PTPN4: variants seen among roughly 807,000 people sequenced by gnomAD.
PTPN4 encodes the protein protein tyrosine phosphatase non-receptor type 4, also known as tyrosine-protein phosphatase non-receptor type 4.
A neutral mutation model predicts 135.5 loss-of-function variants in PTPN4; 49 were observed. The ratio of observed to expected loss-of-function variants is 0.36; its 90% CI spans 0.29 to 0.46. PTPN4 has a LOEUF of 0.46. Ranked by LOEUF, PTPN4 falls within the 20% of genes least tolerant of loss-of-function variation. PTPN4 has a pLI of 1.00. For synonymous variants in PTPN4, 333 were observed against 369.9 expected (o/e 0.90, Z 1.14); for missense variants, 860 against 1,101.0 (o/e 0.78, Z 3.10).
At chr2:119,910,075 T>TG (rs1678548046) in intron 10 of PTPN4, among the ~76,000 whole-genome samples, 1 of 152,102 alleles carries the variant, frequency 6.6e-6, no homozygotes, top group Non-Finnish European at 1.5e-5. Context: ...AAGCAGCAGC[T>TG]GGGTGAAGAG....
chr2:119,924,907 A>G (rs1015194655), intron 12 of PTPN4, among the ~76,000 whole-genome samples: 1 of 152,144 alleles, frequency 6.6e-6, no homozygotes, highest in Admixed American at 6.5e-5. Context: ...GTTGTTGGAA[A>G]TGCTGGGAAA....
rs1029701703 is a variant in PTPN4 at position 119,981,789 on chromosome 2, A to T, written c.*4719A>T. On this transcript the variant is annotated 3_prime_UTR_variant, in exon 27 of 27. Coordinates refer to ENST00000263708, the MANE Select transcript of PTPN4 (RefSeq NM_002830.4). ...TCTCTGTTTCTGCCAGAAGTTAGAT[A>T]TTTTTTTATAGTCCTGATGAATTTG... is the stretch of plus-strand genomic sequence containing the variant. 2 of 152,034 alleles carry T rather than the reference A, an allele frequency of 1.3e-5. No homozygotes were observed. Among genetic ancestry groups the T allele is most frequent in the African/African-American group, 4.8e-5 (2 of 41,410 alleles). The allele number at this position is 152,034 out of a possible 1,614,324, so 9.4% of individuals were successfully genotyped here. A position where few individuals can be genotyped will look rare whatever the true frequency, so the allele number is the denominator to read the frequency against.
chr2:119,792,234 A>G lies in PTPN4; in HGVS notation c.-17-17603A>G, dbSNP rs531341690. On this transcript the variant is annotated intron_variant, in intron 1 of 26. Transcript: ENST00000263708. ...CTTTTATATTTGAGCTAGAATGTATAGAACCACTTATATAAATTATTTTTT... is the reference window on the plus strand; with the variant it reads ...CTTTTATATTTGAGCTAGAATGTATGGAACCACTTATATAAATTATTTTTT... 2.0e-5 allele frequency among the ~76,000 whole-genome samples: 3 copies of G among 152,384 alleles called. No homozygotes were observed. In the East Asian group the frequency reaches 5.8e-4, roughly 29 times the overall value.
chr2:119,932,524 C>G lies in PTPN4; in HGVS notation c.1171C>G (p.Arg391Gly). The G allele has an allele frequency of 6.2e-7, 1 of 1,610,908 alleles. No individual in the cohort carries two copies. Among genetic ancestry groups the G allele is most frequent in the African/African-American group, 1.3e-5 (1 of 74,846 alleles). The change falls in exon 14 of 27, where the codon CGA becomes GGA. Residue 391 changes from arginine (R) to glycine (G), a missense_variant. Physicochemically the swap from Arg to Gly is moderately radical, Grantham distance 125. Transcript: ENST00000263708. ...GTTAGAAACACAAAGTCTTCCATCA[C>G]GATCTCCACCGGGAACTCCTAATCA... ...DRLETQSLPS[R>G]SPPGTPNHRN... is the part of the protein sequence containing the mutation.
At chr2:119,768,650 A>C (rs1030820793) in intron 1 of PTPN4, among the ~76,000 whole-genome samples, 14 of 152,020 alleles carry the variant, frequency 9.2e-5, no homozygotes, top group African/African-American at 3.4e-4. Flanking sequence ...GTATTTACTT[A>C]TTTGCTCAAT....
At chr2:119,765,942 G>A (rs1474202139) in intron 1 of PTPN4, among the ~76,000 whole-genome samples, 4 of 151,892 alleles carry the variant, frequency 2.6e-5, no homozygotes, top group Non-Finnish European at 5.9e-5. Flanking sequence ...GTGCGCGCGC[G>A]CATGTGCGTT....
chr2:119,939,418 A>G (rs935526684), intron 15 of PTPN4, among the ~76,000 whole-genome samples: 8 of 152,076 alleles, frequency 5.3e-5, no homozygotes, highest in African/African-American at 1.7e-4. Context: ...CTCCCACCTC[A>G]GCCTCCCAAG....
Position 119,841,464 on chromosome 2 carries a change from C to T in PTPN4, c.139-21072C>T, listed in dbSNP as rs981906120. On this transcript the variant is annotated intron_variant, in intron 2 of 26. Coordinates refer to ENST00000263708, the MANE Select transcript of PTPN4 (RefSeq NM_002830.4). ...CCTCTTTCTGTATGCTTTTTACATA[C>T]AAAGAATCTTTTTGGTTCTTTTTAA... 4.6e-5 allele frequency among the ~76,000 whole-genome samples: 7 copies of T among 152,226 alleles called. No individual in the cohort carries two copies. In the South Asian group the frequency reaches 1.4e-3, roughly 32 times the overall value.
Position 119,833,044 on chromosome 2 carries a change from G to C in PTPN4, c.138+23053G>C, listed in dbSNP as rs1558739268. 2.0e-5 allele frequency among the ~76,000 whole-genome samples: 3 copies of C among 152,172 alleles called. 1 individual carries two copies. The highest frequency in any genetic ancestry group is 7.2e-5 in the African/African-American group (3 of 41,512). On this transcript the variant is annotated intron_variant, in intron 2 of 26. Coordinates refer to ENST00000263708, the MANE Select transcript of PTPN4 (RefSeq NM_002830.4). ...CACTTGTTTTTCTTTAATGGTTATA[G>C]GTCTAAGTGCTCTATCATTCTGTTC...
intron 2 of PTPN4, among the ~76,000 whole-genome samples, chr2:119,844,323 G>A (rs1677440729): frequency 2.3e-5 from 3 of 129,086 alleles, no homozygotes; most frequent in South Asian, 2.7e-4. Flanking sequence ...CTGGCCGGAC[G>A]GGGCGGCTGG....
At chr2:119,793,262 C>T (rs948979229) in intron 1 of PTPN4, among the ~76,000 whole-genome samples, 25 of 152,178 alleles carry the variant, frequency 1.6e-4, no homozygotes, top group Non-Finnish European at 2.9e-5. Flanking sequence ...TATTAATATT[C>T]CTTACTGGGG....
chr2:119,912,519 C>T (rs2105023324), intron 10 of PTPN4, among the ~76,000 whole-genome samples: 2 of 152,162 alleles, frequency 1.3e-5, no homozygotes, highest in Middle Eastern at 3.4e-3. Flanking sequence ...TTTCCAAAAC[C>T]ATGTGAAAGT....
chr2:119,869,251 A>G (rs541635024), intron 3 of PTPN4, among the ~76,000 whole-genome samples: 4 of 152,384 alleles, frequency 2.6e-5, no homozygotes, highest in South Asian at 2.1e-4. Flanking sequence ...GACTGATTGC[A>G]AAGAAGCACA....
intron 26 of PTPN4, among the ~76,000 whole-genome samples, chr2:119,972,294 T>G (rs1442598104): frequency 6.6e-6 from 1 of 152,216 alleles, no homozygotes; most frequent in African/African-American, 2.4e-5. Context: ...CAGGATGGTC[T>G]TTCTGTTTAT....
chr2:119,864,197 A>G (rs1473894038), intron 3 of PTPN4, among the ~76,000 whole-genome samples: 2 of 152,164 alleles, frequency 1.3e-5, no homozygotes, highest in East Asian at 3.8e-4. Context: ...TGGTTGAACT[A>G]TAGGGTGTAT....
At chr2:119,807,315 T>C (rs1691491542) in intron 1 of PTPN4, among the ~76,000 whole-genome samples, 1 of 151,908 alleles carries the variant, frequency 6.6e-6, no homozygotes, top group Non-Finnish European at 1.5e-5. Flanking sequence ...GATCAACAAA[T>C]TGATAGACTG....
intron 12 of PTPN4, among the ~76,000 whole-genome samples, chr2:119,926,189 T>G (rs1342303521): frequency 6.6e-6 from 1 of 152,208 alleles, no homozygotes; most frequent in Admixed American, 6.5e-5. Context: ...CTGAGAACTT[T>G]TATTAACAAA....
intron 10 of PTPN4, among the ~76,000 whole-genome samples, chr2:119,905,655 G>A (rs1157392776): frequency 1.3e-5 from 2 of 152,174 alleles, no homozygotes; most frequent in African/African-American, 4.8e-5. Flanking sequence ...AACAGCTGCA[G>A]AATATGCATT....
At chr2:119,875,546 A>G (rs908499395) in intron 3 of PTPN4, among the ~76,000 whole-genome samples, 15 of 152,174 alleles carry the variant, frequency 9.9e-5, no homozygotes, top group African/African-American at 3.1e-4. Context: ...AGATAGATGG[A>G]TGGGAAGGTG....
Sources: allele counts gnomAD v4.1 joint callset (sites outside exome capture counted in the v4.1 genomes callset), GRCh38; gene constraint gnomAD v4.1.1; transcripts MANE v1.5; gene names NCBI Gene and HGNC (gene_info 2026-07-23, HGNC 2026-07-21).